PAPSS2: variants seen among roughly 807,000 people sequenced by gnomAD.
The protein encoded by PAPSS2 is 3'-phosphoadenosine 5'-phosphosulfate synthase 2, also known as bifunctional 3'-phosphoadenosine 5'-phosphosulfate synthase 2.
PAPSS2 carries 61 observed loss-of-function variants against 66.5 expected under a neutral mutation model. The observed-to-expected ratio is 0.92, with a 90% confidence interval of 0.75 to 1.14. The LOEUF (loss-of-function observed/expected upper bound fraction) is 1.14, where lower values mean the gene tolerates loss of function less well. Ranked by LOEUF, PAPSS2 falls within the 50% of genes most tolerant of loss-of-function variation. The pLI is 0.00. For synonymous variants in PAPSS2, 289 were observed against 287.5 expected, an observed-to-expected ratio of 1.01 and a Z score of -0.05; for missense variants, 708 against 789.6, an observed-to-expected ratio of 0.90 and a Z score of 1.24.
At chr10:87,690,539 G>A (rs1278077665) in intron 1 of PAPSS2, among the ~76,000 whole-genome samples, 7 of 152,108 alleles carry the variant, frequency 4.6e-5, no homozygotes, top group Non-Finnish European at 8.8e-5. Flanking sequence ...CCATGTGGAT[G>A]TGACTTATGC....
At chr10:87,681,709 T>C (rs1853023570) in intron 1 of PAPSS2, among the ~76,000 whole-genome samples, 1 of 152,234 alleles carries the variant, frequency 6.6e-6, no homozygotes, top group South Asian at 2.1e-4. Flanking sequence ...TTCCCATTCC[T>C]ACTCCAAGTT....
intron 6 of PAPSS2, 57 bp from the exon 7 acceptor site, chr10:87,715,675 C>CAG (rs1853523531): frequency 9.2e-7 from 1 of 1,083,978 alleles, no homozygotes; most frequent in Admixed American, 1.8e-5. Context: ...TCCCTGGGGC[C>CAG]AGATGCCTGG....
At chr10:87,692,819 C>A (rs1853187619) in intron 1 of PAPSS2, among the ~76,000 whole-genome samples, 2 of 152,152 alleles carry the variant, frequency 1.3e-5, no homozygotes, top group Non-Finnish European at 2.9e-5. Context: ...GGGAGGGTAG[C>A]CCGCGAGGTT....
intron 1 of PAPSS2, among the ~76,000 whole-genome samples, chr10:87,696,564 C>A (rs1025564101): frequency 4.6e-5 from 7 of 152,150 alleles, no homozygotes; most frequent in Admixed American, 6.5e-5. Flanking sequence ...TGTATGCACA[C>A]CCAGCTGCTC....
chr10:87,682,508 A>C (rs747749321), intron 1 of PAPSS2, among the ~76,000 whole-genome samples: 7 of 152,208 alleles, frequency 4.6e-5, no homozygotes, highest in Non-Finnish European at 8.8e-5. Flanking sequence ...TGGAGTGTTC[A>C]TTAAGTCCAT....
At chr10:87,724,641 TTATA>T (rs911049777) in intron 8 of PAPSS2, among the ~76,000 whole-genome samples, 1 of 137,354 alleles carries the variant, frequency 7.3e-6, no homozygotes, top group African/African-American at 2.8e-5. Context: ...CATATATTAA[TTATA>T]TATATACATT....
In PAPSS2 at chr10:87,741,458, G is replaced by A. The variant is rs911215803; in HGVS notation, c.1222+88G>A. ...CACCCAGGCTGGAGTGCAATGGCAC[G>A]ATCTCAGCTCACTGCAACCTCTGCC... On this transcript the variant is annotated intron_variant, in intron 10 of 12. Coordinates refer to ENST00000456849, the MANE Select transcript of PAPSS2 (RefSeq NM_001015880.2). The A allele has an allele frequency of 1.1e-5, 13 of 1,147,174 alleles. 1 individual carries two copies. Among genetic ancestry groups the A allele is most frequent in the South Asian group, 2.5e-5 (2 of 78,878 alleles). The allele number at this position is 1,147,174 out of a possible 1,614,324, so 71.1% of individuals were successfully genotyped here.
At chr10:87,676,061 AT>A (rs1852942465) in intron 1 of PAPSS2, among the ~76,000 whole-genome samples, 1 of 149,380 alleles carries the variant, frequency 6.7e-6, no homozygotes, top group African/African-American at 2.5e-5. Flanking sequence ...AATATTTAAA[AT>A]TAAATATTCC....
At chr10:87,715,151 T>A in intron 6 of PAPSS2, 53 bp downstream of exon 6, 1 of 917,840 alleles carries the variant, frequency 1.1e-6, no homozygotes, top group Non-Finnish European at 1.8e-6. Context: ...GTCATTATAA[T>A]TTATTTACAA....
intron 2 of PAPSS2, 99 bp downstream of exon 2, chr10:87,709,412 A>G (rs1564719875): frequency 2.7e-6 from 2 of 744,638 alleles, no homozygotes; most frequent in Non-Finnish European, 4.7e-6. Flanking sequence ...TGCTTGTTTT[A>G]TCATTAGAAG....
At chr10:87,666,681 A>G (rs116158437) in intron 1 of PAPSS2, among the ~76,000 whole-genome samples, 3,767 of 151,200 alleles carry the variant, frequency 0.025, 178 homozygotes, top group African/African-American at 0.086. Context: ...AACTCTCCTT[A>G]CTTCTTTCAT....
intron 1 of PAPSS2, among the ~76,000 whole-genome samples, chr10:87,700,588 G>A (rs938055412): frequency 1.3e-5 from 2 of 151,706 alleles, no homozygotes; most frequent in East Asian, 1.9e-4. Flanking sequence ...AGCCGGAGAC[G>A]TGGAGGCGGC....
Position 87,711,252 on chromosome 10 carries a change from T to C in PAPSS2, c.146-1823T>C, listed in dbSNP as rs138174280. Among the ~76,000 whole-genome samples the C allele has an allele frequency of 1.4e-4, 22 of 152,364 alleles. No individual in the cohort carries two copies. In the East Asian group the frequency reaches 4.0e-3, roughly 28 times the overall value. On this transcript the variant is annotated intron_variant, in intron 2 of 12. Transcript: ENST00000456849. ...GGGAATAAAGATAGTACCTGACTTATGGAGGTGTCGATAGAACTAAATCAA... is the reference window on the plus strand; with the variant it reads ...GGGAATAAAGATAGTACCTGACTTACGGAGGTGTCGATAGAACTAAATCAA...
At chr10:87,707,207 C>T (rs1589432452) in intron 1 of PAPSS2, among the ~76,000 whole-genome samples, 1 of 152,208 alleles carries the variant, frequency 6.6e-6, no homozygotes. Context: ...TTGATTATGA[C>T]ATCCCTTTCT....
chr10:87,713,351 C>A, intron 3 of PAPSS2, 41 bp downstream of exon 3: 2 of 1,122,682 alleles, frequency 1.8e-6, no homozygotes, highest in South Asian at 1.3e-5. Flanking sequence ...ACACACGATT[C>A]CCACACACAG....
At chr10:87,697,920 A>C (rs1355506982) in intron 1 of PAPSS2, among the ~76,000 whole-genome samples, 1 of 152,226 alleles carries the variant, frequency 6.6e-6, no homozygotes, top group Non-Finnish European at 1.5e-5. Flanking sequence ...CAGTCCCATG[A>C]GGAGAGGGGC....
chr10:87,675,545 A>C (rs1852933356), intron 1 of PAPSS2, among the ~76,000 whole-genome samples: 1 of 152,182 alleles, frequency 6.6e-6, no homozygotes, highest in Non-Finnish European at 1.5e-5. Flanking sequence ...TCATCTGAGA[A>C]TGTAATTTCA....
intron 1 of PAPSS2, among the ~76,000 whole-genome samples, chr10:87,661,338 C>T (rs969505235): frequency 5.9e-5 from 9 of 151,992 alleles, no homozygotes; most frequent in Non-Finnish European, 1.2e-4. Flanking sequence ...ATCCAGCTGC[C>T]TTTCTCAGGA....
chr10:87,694,265 A>G (rs1653961294), intron 1 of PAPSS2, among the ~76,000 whole-genome samples: 1 of 152,252 alleles, frequency 6.6e-6, no homozygotes, highest in African/African-American at 2.4e-5. Context: ...GCTGGATCTT[A>G]TCAGGAAATC....
Sources: allele counts gnomAD v4.1 joint callset (sites outside exome capture counted in the v4.1 genomes callset), GRCh38; gene constraint gnomAD v4.1.1; transcripts MANE v1.5; gene names NCBI Gene and HGNC (gene_info 2026-07-23, HGNC 2026-07-21).